NRG3: variants seen among roughly 807,000 people sequenced by gnomAD.
NRG3 encodes pro-neuregulin-3, membrane-bound isoform.
NRG3 carries 31 observed loss-of-function variants against 66.9 expected under a neutral mutation model. The observed-to-expected ratio is 0.46, with a 90% CI of 0.35 to 0.63. The LOEUF (loss-of-function observed/expected upper bound fraction) is 0.63. Ranked by LOEUF, NRG3 falls within the 20% of genes least tolerant of loss-of-function variation. The pLI, the probability that NRG3 is intolerant of heterozygous loss-of-function variation, is 0.00. For synonymous variants in NRG3, 393 were observed against 359.4 expected (o/e 1.09, Z -1.06); for missense variants, 910 against 878.9 (o/e 1.04, Z -0.45).
intron 4 of NRG3, among the ~76,000 whole-genome samples, chr10:82,870,894 T>A (rs1841283102): frequency 6.6e-6 from 1 of 152,206 alleles, no homozygotes; most frequent in South Asian, 2.1e-4. Flanking sequence ...CTTGACAGTA[T>A]GCTTTGCAAA....
intron 2 of NRG3, among the ~76,000 whole-genome samples, chr10:82,731,121 CT>C (rs2057878684): frequency 2.0e-5 from 3 of 152,052 alleles, no homozygotes; most frequent in Admixed American, 2.0e-4. Context: ...AATCCCAGCA[CT>C]TTGGGAGGCT....
chr10:82,579,964 G>A (rs571387905), intron 2 of NRG3, among the ~76,000 whole-genome samples: 1 of 151,954 alleles, frequency 6.6e-6, no homozygotes, highest in Admixed American at 6.6e-5. Flanking sequence ...TGAGGGATTG[G>A]TTCCAAGATC....
intron 1 of NRG3, among the ~76,000 whole-genome samples, chr10:82,133,326 CAG>C (rs2069077685): frequency 6.6e-6 from 1 of 152,034 alleles, no homozygotes; most frequent in Non-Finnish European, 1.5e-5. Context: ...ACTCATGACA[CAG>C]GGGTTGTTTT....
At chr10:82,338,425 C>T (rs1366194600) in intron 1 of NRG3, among the ~76,000 whole-genome samples, 3 of 152,190 alleles carry the variant, frequency 2.0e-5, no homozygotes, top group Non-Finnish European at 2.9e-5. Flanking sequence ...CTCTCCCCTG[C>T]CCAGCACTTA....
chr10:82,772,704 CTTTTTTTT>C (rs745609399), intron 3 of NRG3, among the ~76,000 whole-genome samples: 2 of 111,730 alleles, frequency 1.8e-5, no homozygotes, highest in Admixed American at 1.0e-4. Flanking sequence ...GCTTCCATAT[CTTTTTTTT>C]TTTTTTTTTT....
chr10:82,867,894 AGTGATTCGTAGCATGGAG>A (rs2135964139), intron 4 of NRG3, among the ~76,000 whole-genome samples: 1 of 152,308 alleles, frequency 6.6e-6, no homozygotes, highest in Non-Finnish European at 1.5e-5. Flanking sequence ...TAATGATGGC[AGTGATTCGTAGCATGGAG>A]GTGTGAGCAT....
At chr10:82,447,970 A>C (rs2090826544) in intron 2 of NRG3, among the ~76,000 whole-genome samples, 1 of 152,324 alleles carries the variant, frequency 6.6e-6, no homozygotes, top group Non-Finnish European at 1.5e-5. Flanking sequence ...CGCCTTTTAA[A>C]TGTTGAGTGA....
At chr10:82,519,460 G>A (rs1330976824) in intron 2 of NRG3, among the ~76,000 whole-genome samples, 2 of 152,174 alleles carry the variant, frequency 1.3e-5, no homozygotes, top group African/African-American at 4.8e-5. Flanking sequence ...TAAGGGCAGA[G>A]CCTTATGTGA....
At chr10:82,031,371 A>G (rs2132883928) in intron 1 of NRG3, among the ~76,000 whole-genome samples, 1 of 152,240 alleles carries the variant, frequency 6.6e-6, no homozygotes, top group East Asian at 1.9e-4. Context: ...CAAGTTAGCT[A>G]TGCCTCTTTC....
At chr10:82,395,949 G>A (rs2086688067) in intron 2 of NRG3, among the ~76,000 whole-genome samples, 1 of 152,152 alleles carries the variant, frequency 6.6e-6, no homozygotes, top group South Asian at 2.1e-4. Context: ...TTAGTAAAAT[G>A]TAATTTAAGA....
At chr10:82,427,445 T>C (rs1256828952) in intron 2 of NRG3, among the ~76,000 whole-genome samples, 1 of 152,166 alleles carries the variant, frequency 6.6e-6, no homozygotes, top group African/African-American at 2.4e-5. Flanking sequence ...TATAAGTTAT[T>C]TATATTTGTC....
intron 1 of NRG3, among the ~76,000 whole-genome samples, 193 bp downstream of exon 1, chr10:81,876,356 G>T (rs1841645963): frequency 6.6e-6 from 1 of 152,154 alleles, no homozygotes; most frequent in Non-Finnish European, 1.5e-5. Context: ...CTGGGGGGGT[G>T]GGGGCGTGTA....
At chr10:82,008,702 A>G (rs1183195203) in intron 1 of NRG3, among the ~76,000 whole-genome samples, 4 of 152,002 alleles carry the variant, frequency 2.6e-5, no homozygotes, top group Non-Finnish European at 1.5e-5. Context: ...TTTGATCTCT[A>G]TTTTTCCTTG....
intron 1 of NRG3, among the ~76,000 whole-genome samples, chr10:82,168,426 C>A (rs2072280559): frequency 6.6e-6 from 1 of 152,128 alleles, no homozygotes; most frequent in African/African-American, 2.4e-5. Flanking sequence ...CTCCACTCTT[C>A]TACAGATGTG....
At chr10:81,958,896 A>G (rs1043564240) in intron 1 of NRG3, among the ~76,000 whole-genome samples, 2 of 152,008 alleles carry the variant, frequency 1.3e-5, no homozygotes, top group African/African-American at 4.8e-5. Context: ...GTCTCAAAGA[A>G]AAAAAAATAA....
At chr10:82,460,171 A>G (rs921374682) in intron 2 of NRG3, among the ~76,000 whole-genome samples, 1 of 152,194 alleles carries the variant, frequency 6.6e-6, no homozygotes, top group East Asian at 1.9e-4. Context: ...AATAATAGCC[A>G]TACTGACATC....
At chr10:82,418,789 C>T (rs111989330) in intron 2 of NRG3, among the ~76,000 whole-genome samples, 3,752 of 151,480 alleles carry the variant, frequency 0.025, 143 homozygotes, top group African/African-American at 0.086. Flanking sequence ...TTTTTGGAGA[C>T]AGAGTCTCCC....
chr10:81,881,116 C>G (rs1223929624), intron 1 of NRG3, among the ~76,000 whole-genome samples: 1 of 151,890 alleles, frequency 6.6e-6, no homozygotes, highest in African/African-American at 2.4e-5. Context: ...GTACTCCCAC[C>G]TGCCAGTATT....
At chr10:82,924,325 A>C (rs2132095002) in intron 4 of NRG3, among the ~76,000 whole-genome samples, 1 of 152,174 alleles carries the variant, frequency 6.6e-6, no homozygotes, top group South Asian at 2.1e-4. Flanking sequence ...CAATCGCCTA[A>C]GTATCCCTAA....
Sources: allele counts gnomAD v4.1 joint callset (sites outside exome capture counted in the v4.1 genomes callset), GRCh38; gene constraint gnomAD v4.1.1; transcripts MANE v1.5; gene names NCBI Gene and HGNC (gene_info 2026-07-23, HGNC 2026-07-21).